DOCK4: variants seen among roughly 807,000 people sequenced by gnomAD.
DOCK4 encodes the protein dedicator of cytokinesis protein 4.
DOCK4 carries 97 observed loss-of-function variants against 268.1 expected under a neutral mutation model. The observed-to-expected ratio is 0.36, with a 90% CI of 0.31 to 0.43. The LOEUF is 0.43. DOCK4 is among the 20% of genes least tolerant of loss of function. DOCK4 has a pLI of 1.00. For missense variants in DOCK4, 2,145 were observed against 2,455.7 expected (o/e 0.87, Z 2.67); for synonymous variants, 954 against 887.2 (o/e 1.08, Z -1.34).
Position 111,977,224 on chromosome 7 carries a change from A to T in DOCK4, c.609T>A (p.Phe203Leu), listed in dbSNP as rs1798273778. Residue 203 changes from phenylalanine to leucine, a missense_variant, in exon 8 of 53, where the codon TTT becomes TTA. Phe to Leu is a conservative substitution (Grantham distance 22). This residue lies in a region of DOCK4 where 1,598 missense variants were observed against 1,986.7 expected (regional missense o/e 0.80). Coordinates refer to ENST00000428084, the MANE Select transcript of DOCK4 (RefSeq NM_001363540.2). ...TPVQASSHHL[F>L]VQMKSLMCSN... ...AACACATGAGGCTCTTCATCTGGAC[A>T]AAGAGGTGGTGACTGCTGGCCTGCA... is the stretch of plus-strand genomic sequence containing the variant. The T allele has an allele frequency of 1.9e-6, 3 of 1,611,340 alleles. No homozygotes were observed. The highest frequency in any genetic ancestry group is 2.5e-6 in the Non-Finnish European group (3 of 1,178,900).
intron 30 of DOCK4, among the ~76,000 whole-genome samples, chr7:111,792,102 T>C (rs1471698745): frequency 2.6e-5 from 4 of 152,222 alleles, no homozygotes; most frequent in African/African-American, 7.2e-5. Flanking sequence ...TTAAGTCTAT[T>C]ATGCTGGTGA....
chr7:111,760,781 T>TGTGTGTGTGTGTGTGA (rs61045792), intron 39 of DOCK4, among the ~76,000 whole-genome samples: 6 of 143,326 alleles, frequency 4.2e-5, no homozygotes, highest in East Asian at 2.0e-4. Flanking sequence ...TGTGTGTGTG[T>TGTGTGTGTGTGTGTGA]GTATTCTGCC....
chr7:111,812,625 G>C (rs897315505), intron 27 of DOCK4, among the ~76,000 whole-genome samples: 1 of 152,158 alleles, frequency 6.6e-6, no homozygotes, highest in African/African-American at 2.4e-5. Context: ...GGAAAAAATG[G>C]AGCCCAAAGA....
chr7:111,895,866 T>C, intron 15 of DOCK4, 148 bp from the exon 16 acceptor site: 2 of 672,702 alleles, frequency 3.0e-6, no homozygotes, highest in Non-Finnish European at 5.0e-6. Flanking sequence ...GCCATCTATA[T>C]AGAGCAGCCA....
chr7:111,883,127 T>C (rs56074234), intron 16 of DOCK4, among the ~76,000 whole-genome samples: 28,995 of 152,042 alleles, frequency 0.19, 3,458 homozygotes, highest in African/African-American at 0.34. Flanking sequence ...GCATAAAACA[T>C]ACATATATGG....
chr7:112,012,011 G>A (rs910178859), intron 1 of DOCK4, among the ~76,000 whole-genome samples: 1 of 151,656 alleles, frequency 6.6e-6, no homozygotes, highest in African/African-American at 2.4e-5. Context: ...CCTTTCATTT[G>A]CTAGCCCACG....
chr7:112,018,290 T>A (rs1451682449), intron 1 of DOCK4, among the ~76,000 whole-genome samples: 1 of 151,452 alleles, frequency 6.6e-6, no homozygotes, highest in Non-Finnish European at 1.5e-5. Flanking sequence ...TCTCAATGAC[T>A]ATTTTTAAAA....
chr7:112,076,302 G>T (rs1808063958), intron 1 of DOCK4, among the ~76,000 whole-genome samples: 1 of 151,700 alleles, frequency 6.6e-6, no homozygotes, highest in Non-Finnish European at 1.5e-5. Flanking sequence ...GAATTGGGGG[G>T]GTTCTTAAAA....
intron 22 of DOCK4, among the ~76,000 whole-genome samples, chr7:111,866,595 G>A (rs916224331): frequency 1.3e-5 from 2 of 152,190 alleles, no homozygotes; most frequent in African/African-American, 4.8e-5. Context: ...AGAGGTGAGA[G>A]CAGAGCTGCT....
chr7:111,855,095 T>C (rs1047857228), intron 23 of DOCK4, among the ~76,000 whole-genome samples: 1 of 152,006 alleles, frequency 6.6e-6, no homozygotes, highest in Admixed American at 6.6e-5. Flanking sequence ...AGCAAGGAGA[T>C]GAGATGAGGC....
At chr7:111,931,534 T>A (rs1453169620) in intron 12 of DOCK4, among the ~76,000 whole-genome samples, 1 of 152,022 alleles carries the variant, frequency 6.6e-6, no homozygotes, top group Admixed American at 6.5e-5. Context: ...CTGAAGTTAA[T>A]CAGAAGGCCA....
At chr7:112,059,267 C>T (rs1431577428) in intron 1 of DOCK4, among the ~76,000 whole-genome samples, 4 of 150,742 alleles carry the variant, frequency 2.7e-5, no homozygotes, top group East Asian at 1.9e-4. Context: ...CTCAGCTTCC[C>T]GAGTAGCTGG....
Position 111,909,340 on chromosome 7 carries a change from G to A in DOCK4, c.1192+6439C>T, listed in dbSNP as rs545163275. On this transcript the variant is annotated intron_variant, in intron 13 of 52. Transcript: ENST00000428084. ...TGAGAAGTGTCTGTTCATATCCTTCGAAATTGCTTACTTTCTTAAACATAA... is the reference window on the plus strand; with the variant it reads ...TGAGAAGTGTCTGTTCATATCCTTCAAAATTGCTTACTTTCTTAAACATAA... Among the ~76,000 whole-genome samples the A allele has an allele frequency of 7.9e-5, 12 of 152,224 alleles. No individual in the cohort carries two copies. The East Asian group carries it at 2.3e-3, about 29-fold the overall frequency.
intron 1 of DOCK4, among the ~76,000 whole-genome samples, chr7:112,068,579 G>C (rs1807289260): frequency 6.6e-6 from 1 of 152,202 alleles, no homozygotes; most frequent in South Asian, 2.1e-4. Flanking sequence ...CTGACACATT[G>C]CAAATGCATA....
At chr7:111,999,944 C>T (rs1800290559) in intron 3 of DOCK4, among the ~76,000 whole-genome samples, 1 of 152,046 alleles carries the variant, frequency 6.6e-6, no homozygotes, top group Non-Finnish European at 1.5e-5. Flanking sequence ...TTACTTCTTG[C>T]TCTAATTCCT....
intron 1 of DOCK4, among the ~76,000 whole-genome samples, chr7:112,062,834 C>T (rs911264322): frequency 2.6e-5 from 4 of 152,248 alleles, no homozygotes; most frequent in African/African-American, 9.6e-5. Flanking sequence ...TGTGTCACCA[C>T]GCCTGGCTAA....
intron 1 of DOCK4, among the ~76,000 whole-genome samples, chr7:112,028,835 C>A (rs906765967): frequency 2.6e-5 from 4 of 152,210 alleles, no homozygotes; most frequent in East Asian, 1.9e-4. Flanking sequence ...CAGCGTTAGA[C>A]AACAAGCATT....
chr7:111,811,678 TATCTCCTTTTAAGCGCTATG>T (rs886115872), intron 28 of DOCK4, among the ~76,000 whole-genome samples, 176 bp downstream of exon 28: 3 of 152,082 alleles, frequency 2.0e-5, no homozygotes, highest in South Asian at 2.1e-4. Context: ...AATAAAAAAC[TATCTCCTTTTAAGCGCTATG>T]ATCTCCTTTT....
At chr7:112,158,353 T>C (rs1816803535) in intron 1 of DOCK4, among the ~76,000 whole-genome samples, 1 of 152,232 alleles carries the variant, frequency 6.6e-6, no homozygotes, top group Non-Finnish European at 1.5e-5. Flanking sequence ...ATAAATACTT[T>C]TTGAACAAAT....
Sources: allele counts gnomAD v4.1 joint callset (sites outside exome capture counted in the v4.1 genomes callset), GRCh38; gene constraint gnomAD v4.1.1; regional missense constraint gnomAD v4.1.1; transcripts MANE v1.5; gene names NCBI Gene and HGNC (gene_info 2026-07-23, HGNC 2026-07-21).